Variants in UGT2B4 observed in about 807,000 individuals in gnomAD.
The protein encoded by UGT2B4 is UDP glucuronosyltransferase family 2 member B4.
Under a neutral mutation model 49.8 loss-of-function variants are expected in UGT2B4, and 49 were observed. The observed-to-expected ratio is 0.98, with a 90% CI of 0.78 to 1.25. The LOEUF is 1.25. Ranked by LOEUF, UGT2B4 falls within the 50% of genes most tolerant of loss-of-function variation. The probability of loss-of-function intolerance (pLI) is 0.00; values close to 1 mark genes in which losing one functional copy is unlikely to be tolerated. For missense variants in UGT2B4, 729 were observed against 627.7 expected (o/e 1.16, Z -1.73); for synonymous variants, 246 against 217.7 (o/e 1.13, Z -1.14).
intron 1 of UGT2B4, among the ~76,000 whole-genome samples, chr4:69,502,114 T>TTTCTTTCTTCTTTCTTTCTTTCTTTC (rs1728342947): frequency 7.8e-6 from 1 of 128,904 alleles, no homozygotes; most frequent in African/African-American, 3.1e-5. Flanking sequence ...TCTTTCTTTC[T>TTTCTTTCTTCTTTCTTTCTTTCTTTC]TTCTTTCTTT....
At position 69,489,466 on chromosome 4, in the gene UGT2B4, T is replaced by C. The variant is rs1451746094; in HGVS notation, c.975A>G (p.Ala325=). The C allele has an allele frequency of 2.8e-5, 45 of 1,611,562 alleles. No individual in the cohort carries two copies. Among genetic ancestry groups the C allele is most frequent in the Non-Finnish European group, 3.6e-5 (42 of 1,178,442 alleles). The change falls in exon 3 of 6, where the codon GCA becomes GCG. Residue 325 remains alanine (A), a synonymous_variant. Transcript: ENST00000305107. ...TTTGTGGGATCTTGGCAAGGGCTGATGCAATTACATTGGCCCTTTCTTCTG... is the reference window on the plus strand; with the variant it reads ...TTTGTGGGATCTTGGCAAGGGCTGACGCAATTACATTGGCCCTTTCTTCTG... ...NTSEERANVI[A]SALAKIPQKV...
exon 1 of UGT2B4, chr4:69,525,812 G>A: frequency 9.3e-7 from 1 of 1,078,782 alleles, no homozygotes; most frequent in African/African-American, 1.7e-5. Flanking sequence ...ATTAAAGAAA[G>A]GGCTCCAGGC....
Position 69,486,736 on chromosome 4 carries a change from C to T in UGT2B4, c.1003-40G>A, listed in dbSNP as rs528315506. 5 of 1,453,092 alleles carry T rather than the reference C, an allele frequency of 3.4e-6. No individual in the cohort carries two copies. In the African/African-American group the frequency reaches 5.7e-5, roughly 17 times the overall value. 90.0% of individuals were successfully genotyped at this position (1,453,092 alleles called of 1,614,324 possible). A position where few individuals can be genotyped will look rare whatever the true frequency, so the allele number is the denominator to read the frequency against. ...AAAATATCTTATTCCATGAGTGGAA[C>T]TCAAAAGTCATAGAATGTTAGAAAT... On this transcript the variant is annotated intron_variant, in intron 3 of 5. Coordinates refer to ENST00000305107, the MANE Select transcript of UGT2B4 (RefSeq NM_021139.3).
upstream of UGT2B4, among the ~76,000 whole-genome samples, chr4:69,498,505 T>C (rs1468482431): frequency 3.6e-5 from 2 of 55,000 alleles, no homozygotes; most frequent in Non-Finnish European, 7.8e-5. Context: ...GATTTTGGGC[T>C]TTTTTTTTTT....
At chr4:69,492,163 T>C (rs1728006663) in intron 2 of UGT2B4, among the ~76,000 whole-genome samples, 1 of 152,076 alleles carries the variant, frequency 6.6e-6, no homozygotes, top group Non-Finnish European at 1.5e-5. Flanking sequence ...ACATGCGTTG[T>C]TCATTTTTTC....
At chr4:69,521,959 G>T (rs770126327) in intron 1 of UGT2B4, among the ~76,000 whole-genome samples, 4 of 152,160 alleles carry the variant, frequency 2.6e-5, no homozygotes, top group Admixed American at 6.5e-5. Context: ...GTATATTAAT[G>T]ATTTGAGCAA....
At chr4:69,511,785 G>A (rs944555446) in intron 1 of UGT2B4, among the ~76,000 whole-genome samples, 4 of 152,042 alleles carry the variant, frequency 2.6e-5, no homozygotes, top group East Asian at 3.9e-4. Flanking sequence ...AAGCCATCTG[G>A]TGCTGGCTTT....
In UGT2B4 at chr4:69,486,612, G is replaced by A; in HGVS notation, c.1087C>T (p.Leu363Phe). The A allele has an allele frequency of 6.3e-7, 1 of 1,592,046 alleles. No homozygotes were observed. The highest frequency in any genetic ancestry group is 2.3e-5 in the East Asian group (1 of 44,084). ...TATTTGTTCTTCAGAGACTTACCAA[G>A]AAGATCATTCTGGGGTATCCACTTG... is the stretch of plus-strand genomic sequence containing the variant. ...LYKWIPQNDL[L>F]GHPKTRAFIT... Residue 363 changes from leucine (L) to phenylalanine (F), a missense_variant, in exon 4 of 6, where the codon CTT (leucine) becomes TTT (phenylalanine). Coordinates refer to ENST00000305107, the MANE Select transcript of UGT2B4 (RefSeq NM_021139.3).
intron 5 of UGT2B4, among the ~76,000 whole-genome samples, chr4:69,482,371 C>T (rs1403700860): frequency 6.6e-6 from 1 of 152,112 alleles, no homozygotes; most frequent in African/African-American, 2.4e-5. Flanking sequence ...AGTGTACATA[C>T]GCTAAGTGAA....
chr4:69,500,953 T>C (rs987403564), intron 1 of UGT2B4, among the ~76,000 whole-genome samples: 7 of 152,096 alleles, frequency 4.6e-5, no homozygotes, highest in Admixed American at 4.6e-4. Flanking sequence ...CTGGGCTTCC[T>C]GGCAAAAGTA....
At position 69,480,379 on chromosome 4, in the gene UGT2B4, T is replaced by A; in HGVS notation, c.*255A>T. The A allele has an allele frequency of 2.5e-6, 1 of 394,612 alleles. No homozygotes were observed. Among genetic ancestry groups the A allele is most frequent in the African/African-American group, 2.0e-5 (1 of 49,332 alleles). 24.4% of individuals were successfully genotyped at this position (394,612 alleles called of 1,614,324 possible). On this transcript the variant is annotated 3_prime_UTR_variant, in exon 6 of 6. Transcript: ENST00000305107. Reference sequence around the variant, plus strand: ...TGTGAATTGGAACAATAAATTTCAATATAAGCTCAATACATTTCAATATAA... The same window carrying A: ...TGTGAATTGGAACAATAAATTTCAAAATAAGCTCAATACATTTCAATATAA...
chr4:69,510,449 A>G (rs1415903013), intron 1 of UGT2B4, among the ~76,000 whole-genome samples: 2 of 152,162 alleles, frequency 1.3e-5, no homozygotes, highest in Non-Finnish European at 2.9e-5. Flanking sequence ...GAATTGCTTT[A>G]GATAGCATGA....
chr4:69,484,329 A>G (rs901888994), intron 5 of UGT2B4, among the ~76,000 whole-genome samples: 14 of 152,210 alleles, frequency 9.2e-5, no homozygotes, highest in African/African-American at 3.4e-4. Flanking sequence ...CGTTCATGCA[A>G]AAACATGTAG....
chr4:69,489,419 A>G lies in UGT2B4; in HGVS notation c.1002+20T>C. The G allele has an allele frequency of 1.2e-6, 2 of 1,606,822 alleles. No homozygotes were observed. Among genetic ancestry groups the G allele is most frequent in the Non-Finnish European group, 1.7e-6 (2 of 1,175,508 alleles). ...GCCTCTTTCAGTAGTTTTTTACACC[A>G]TTAAAACATTTTATCTTACCTTTTG... On this transcript the variant is annotated intron_variant, in intron 3 of 5. Transcript: ENST00000305107.
At chr4:69,500,619 A>AAGCAAGAAAG (rs1560438356), upstream of UGT2B4, among the ~76,000 whole-genome samples, 1 of 126,554 alleles carries the variant, frequency 7.9e-6, no homozygotes, top group Non-Finnish European at 1.8e-5. Context: ...GAAAGAAAGA[A>AAGCAAGAAAG]AGAAAGAAAG....
chr4:69,502,386 C>A (rs544918268), intron 1 of UGT2B4, among the ~76,000 whole-genome samples: 34 of 151,836 alleles, frequency 2.2e-4, no homozygotes, highest in African/African-American at 8.0e-4. Flanking sequence ...GGTCTTCAGA[C>A]ACCTCTTAGA....
intron 1 of UGT2B4, among the ~76,000 whole-genome samples, chr4:69,516,947 T>C (rs1274745315): frequency 1.3e-5 from 2 of 152,080 alleles, no homozygotes; most frequent in African/African-American, 2.4e-5. Context: ...CATCTGTTCA[T>C]GTCCTTTGCC....
At chr4:69,513,561 T>C (rs1728659286) in intron 1 of UGT2B4, among the ~76,000 whole-genome samples, 1 of 151,844 alleles carries the variant, frequency 6.6e-6, no homozygotes, top group South Asian at 2.1e-4. Context: ...TGCCTTGGTC[T>C]CTTTTTTCTT....
At chr4:69,512,547 T>C (rs1370726750) in intron 1 of UGT2B4, among the ~76,000 whole-genome samples, 1 of 152,168 alleles carries the variant, frequency 6.6e-6, no homozygotes, top group Non-Finnish European at 1.5e-5. Flanking sequence ...AACATTTGCT[T>C]TGTGACTTAA....
Sources: gnomAD v4.1 joint callset for allele counts (sites outside exome capture counted in the v4.1 genomes callset) on GRCh38, gnomAD v4.1.1 for gene constraint, MANE v1.5 for transcripts, NCBI Gene and HGNC (gene_info 2026-07-23, HGNC 2026-07-21) for gene names.